KRT8: variants seen among roughly 807,000 people sequenced by gnomAD.
The protein encoded by KRT8 is keratin 8.
In KRT8, 24 loss-of-function variants were observed where a neutral mutation model predicts 43.0. The ratio of observed to expected loss-of-function variants is 0.56; its 90% CI spans 0.40 to 0.78. The LOEUF (loss-of-function observed/expected upper bound fraction) is 0.78. KRT8 is among the 30% of genes least tolerant of loss of function. The pLI is 0.00. For missense variants in KRT8, 492 were observed against 638.4 expected (o/e 0.77, Z 2.47); for synonymous variants, 214 against 261.2 (o/e 0.82, Z 1.74).
At chr12:52,948,637 G>C (rs1270784526) in intron 2 of KRT8, 1 of 318,444 alleles carries the variant, frequency 3.1e-6, no homozygotes, top group Admixed American at 5.0e-5. Context: ...GACTACAGGC[G>C]TGCACCATCA....
chr12:52,927,650 G>C (rs1410047593), intron 2 of KRT8, among the ~76,000 whole-genome samples: 1 of 152,190 alleles, frequency 6.6e-6, no homozygotes, highest in Non-Finnish European at 1.5e-5. Context: ...CTTGTGGGCA[G>C]AGCCGAGCCT....
intron 2 of KRT8, chr12:52,947,151 A>T (rs1942357056): frequency 6.6e-6 from 1 of 152,514 alleles, no homozygotes; most frequent in Admixed American, 6.5e-5. Context: ...TTGAAGGCCA[A>T]ACACCTAAGG....
intron 2 of KRT8, among the ~76,000 whole-genome samples, chr12:52,945,600 G>A (rs1033168957): frequency 6.6e-6 from 1 of 152,154 alleles, no homozygotes. Flanking sequence ...GTGGGAGAAT[G>A]TGGAGTGGGC....
At chr12:52,926,437 T>G in intron 2 of KRT8, 2 of 1,526,476 alleles carry the variant, frequency 1.3e-6, no homozygotes, top group South Asian at 1.2e-5. Flanking sequence ...TGGCTCCAGC[T>G]CACCCCATTC....
In KRT8 at chr12:52,918,180, GGAAGAA is replaced by G. The variant is rs869098018; in HGVS notation, c.-46-13159_-46-13154del. On this transcript the variant is annotated intron_variant, in intron 2 of 6. Coordinates refer to the KRT8 transcript ENST00000546826. ...GGGAAGAAGAAGAAGAAGAGGAAGA[GGAAGAA>G]GAAGAAGAAGAAGAAGAACAAGAAG... is the stretch of plus-strand genomic sequence containing the variant. Among the ~76,000 whole-genome samples, 21 of 73,716 alleles carry G rather than the reference GGAAGAA, an allele frequency of 2.8e-4. 1 individual carries two copies. Among genetic ancestry groups the G allele is most frequent in the Admixed American group, 1.3e-3 (8 of 6,380 alleles). 48.4% of individuals were successfully genotyped at this position (73,716 alleles called of 152,430 possible).
At chr12:52,901,129 G>A (rs949991573) in intron 3 of KRT8, 30 bp downstream of exon 3, 29 of 1,518,954 alleles carry the variant, frequency 1.9e-5, no homozygotes, top group Non-Finnish European at 2.6e-5. Context: ...AGCCTCCAGT[G>A]TCCAGATAGG....
chr12:52,938,177 T>A (rs1429645475), intron 2 of KRT8, among the ~76,000 whole-genome samples: 47 of 90,384 alleles, frequency 5.2e-4, no homozygotes, highest in African/African-American at 2.1e-3. Flanking sequence ...TATATTTTTT[T>A]TTTTTTTTAT....
chr12:52,900,252 G>C (rs1941334030), intron 4 of KRT8, among the ~76,000 whole-genome samples, 187 bp from the exon 5 acceptor site: 1 of 152,080 alleles, frequency 6.6e-6, no homozygotes, highest in Non-Finnish European at 1.5e-5. Context: ...GTGCACAGAG[G>C]GATCCAATGC....
chr12:52,934,272 G>A (rs1942130478), intron 2 of KRT8, among the ~76,000 whole-genome samples: 1 of 148,922 alleles, frequency 6.7e-6, no homozygotes, highest in African/African-American at 2.5e-5. Flanking sequence ...GAAGGAGAAG[G>A]AGAAGAAGCC....
intron 2 of KRT8, among the ~76,000 whole-genome samples, chr12:52,919,810 G>A (rs1390155944): frequency 1.3e-5 from 2 of 151,826 alleles, no homozygotes; most frequent in African/African-American, 2.4e-5. Flanking sequence ...CACCATGCCC[G>A]GATAATTTTA....
Position 52,897,703 on chromosome 12 carries a change from C to G in KRT8, c.1262-85G>C, listed in dbSNP as rs116773977. 3.0e-3 allele frequency: 4,707 copies of G among 1,575,618 alleles called. 130 individuals are homozygous for G. In the African/African-American group the frequency reaches 0.058, roughly 19 times the overall value. On this transcript the variant is annotated intron_variant, in intron 7 of 7. Coordinates refer to ENST00000692008, the Ensembl canonical transcript of KRT8. ...GCCCCTTCTCCCTGCTCATTCCCAA[C>G]ATAGCCCCAGGGATGGGAGGTTAAC... is the stretch of plus-strand genomic sequence containing the variant.
In KRT8 at chr12:52,900,609, G is replaced by A. The variant is rs772444880; in HGVS notation, c.669C>T (p.Phe223=). ...ATACCTCTTCATATAGCTGCCTGAG[G>A]AAGTTGATCTCGTCGGTCAGCCCTT... Residue 223 remains phenylalanine, a synonymous_variant, in exon 4 of 8, where the codon TTC becomes TTT. Coordinates refer to ENST00000692008, the Ensembl canonical transcript of KRT8. 3.1e-6 allele frequency: 5 copies of A among 1,611,700 alleles called. No homozygotes were observed. In the South Asian group the frequency reaches 4.4e-5, roughly 14 times the overall value.
At chr12:52,904,555 G>A in intron 1 of KRT8, 103 bp downstream of exon 1, 1 of 1,100,658 alleles carries the variant, frequency 9.1e-7, no homozygotes, top group South Asian at 1.3e-5. Context: ...GGCGGGTGAG[G>A]CCCAGCAGGA....
At chr12:52,905,550 G>A (rs2120588192), upstream of KRT8, among the ~76,000 whole-genome samples, 1 of 152,236 alleles carries the variant, frequency 6.6e-6, no homozygotes, top group South Asian at 2.1e-4. Context: ...TGCCTGAGCT[G>A]GATGACAGAA....
intron 2 of KRT8, among the ~76,000 whole-genome samples, chr12:52,924,052 G>A (rs1286589522): frequency 6.6e-6 from 1 of 151,782 alleles, no homozygotes; most frequent in African/African-American, 2.4e-5. Flanking sequence ...TTACCATGTT[G>A]GCCAGGCTGG....
intron 2 of KRT8, among the ~76,000 whole-genome samples, chr12:52,925,346 C>G (rs904223294): frequency 2.0e-5 from 3 of 152,104 alleles, no homozygotes; most frequent in Admixed American, 2.0e-4. Context: ...GGGGCTCAGG[C>G]TGAGTCAGGG....
exon 5 of KRT8, chr12:52,899,872 T>G: frequency 3.7e-6 from 6 of 1,612,550 alleles, no homozygotes; most frequent in Non-Finnish European, 5.1e-6. Context: ...ATCCCCGTGC[T>G]TCCCAGCCAG....
At chr12:52,906,460 C>T (rs1565720760), upstream of KRT8, 1 of 337,796 alleles carries the variant, frequency 3.0e-6, no homozygotes, top group Non-Finnish European at 5.9e-6. Context: ...AGGAAGAGTC[C>T]CTGCACCTGT....
chr12:52,942,722 C>T (rs1383420562), intron 2 of KRT8, among the ~76,000 whole-genome samples: 1 of 152,140 alleles, frequency 6.6e-6, no homozygotes, highest in African/African-American at 2.4e-5. Context: ...CATTTTTTCT[C>T]TCCCACCCCC....
Sources: allele counts gnomAD v4.1 joint callset (sites outside exome capture counted in the v4.1 genomes callset), GRCh38; gene constraint gnomAD v4.1.1; transcripts MANE v1.5; gene names NCBI Gene and HGNC (gene_info 2026-07-23, HGNC 2026-07-21).